ATP11C: variants seen among roughly 807,000 people sequenced by gnomAD.
ATP11C encodes ATPase phospholipid transporting 11C (ATP11C blood group), also known as phospholipid-transporting ATPase IG.
In ATP11C, 36 loss-of-function variants were observed where a neutral mutation model predicts 97.4. That is an observed-to-expected ratio of 0.37 (90% confidence interval 0.28 to 0.49). The LOEUF (loss-of-function observed/expected upper bound fraction) is 0.49, where lower values mean the gene tolerates loss of function less well. Among genes scored for constraint, ATP11C ranks in the 20% least tolerant of loss-of-function variants. The pLI, the probability that ATP11C is intolerant of heterozygous loss-of-function variation, is 0.98. For synonymous variants in ATP11C, 275 were observed against 290.9 expected (o/e 0.95, Z 0.56); for missense variants, 730 against 824.6 (o/e 0.89, Z 1.40).
At chrX:139,859,830 G>A (rs1315105207) in intron 1 of ATP11C, among the ~76,000 whole-genome samples, 8 of 82,345 alleles carry the variant, frequency 9.7e-5, no homozygotes, top group South Asian at 3.8e-4. Flanking sequence ...GGCTGGGCGC[G>A]GTGGCTCACG....
intron 1 of ATP11C, among the ~76,000 whole-genome samples, chrX:139,878,681 G>A (rs1289119694): frequency 1.8e-5 from 2 of 111,444 alleles, no homozygotes; most frequent in East Asian, 2.8e-4. Flanking sequence ...CCCCAGGTAC[G>A]TCAGAGAAGG....
At chrX:139,799,642 T>TC in intron 8 of ATP11C, among the ~76,000 whole-genome samples, 1 of 99,360 alleles carries the variant, frequency 1.0e-5, no homozygotes, top group Non-Finnish European at 2.0e-5. Flanking sequence ...ACCTTTATAT[T>TC]CCTTTTTTTT....
Position 139,932,105 on chromosome X carries a change from A to T in ATP11C, c.-63T>A. On this transcript the variant is annotated 5_prime_UTR_variant, in exon 1 of 30. Transcript: ENST00000682941. ...CGGGCTGTCTGGGAAGGCGCCGTCCACAAAACACACTGCGGCGTGGGCCGG... is the reference window on the plus strand; with the variant it reads ...CGGGCTGTCTGGGAAGGCGCCGTCCTCAAAACACACTGCGGCGTGGGCCGG... The T allele has an allele frequency of 1.9e-6, 2 of 1,058,911 alleles. No individual in the cohort carries two copies. The highest frequency in any genetic ancestry group is 1.9e-5 in the African/African-American group (1 of 52,948). The allele number at this position is 1,058,911 out of a possible 1,213,427, so 87.3% of individuals were successfully genotyped here.
chrX:139,932,247 T>C lies in ATP11C; in HGVS notation c.-205A>G. ...CCCGCAGCCTAGCCGCCGCCCCGCC[T>C]CACTCGCGGCCCGCCCCCGGCCTGC... On this transcript the variant is annotated 5_prime_UTR_variant, in exon 1 of 30. Transcript: ENST00000682941. 1 of 136,066 alleles carries C rather than the reference T, an allele frequency of 7.3e-6. No individual in the cohort carries two copies. The highest frequency in any genetic ancestry group is 3.2e-4 in the South Asian group (1 of 3,127). The allele number at this position is 136,066 out of a possible 1,213,427, so 11.2% of individuals were successfully genotyped here. A position where few individuals can be genotyped will look rare whatever the true frequency, so the allele number is the denominator to read the frequency against.
At chrX:139,871,058 G>A (rs1336583985) in intron 1 of ATP11C, among the ~76,000 whole-genome samples, 2 of 23,700 alleles carry the variant, frequency 8.4e-5, no homozygotes. Context: ...GCGAGACTCC[G>A]TCTCAAAAAA....
chrX:139,876,614 A>G (rs2084479011), intron 1 of ATP11C, among the ~76,000 whole-genome samples: 1 of 112,185 alleles, frequency 8.9e-6, no homozygotes, highest in African/African-American at 3.2e-5. Flanking sequence ...TTCTTTATTT[A>G]TAACAAGAAA....
chrX:139,809,365 A>G (rs1261974435), intron 5 of ATP11C, among the ~76,000 whole-genome samples: 9 of 112,455 alleles, frequency 8.0e-5, no homozygotes, highest in Non-Finnish European at 1.7e-4. Flanking sequence ...GATACATGCT[A>G]TAACATGGAT....
At chrX:139,784,265 TTG>T (rs936834206) in intron 16 of ATP11C, among the ~76,000 whole-genome samples, 4 of 111,833 alleles carry the variant, frequency 3.6e-5, no homozygotes, top group African/African-American at 6.5e-5. Flanking sequence ...ATTTGAAATG[TTG>T]TGTTTTTTTT....
At chrX:139,909,323 G>A (rs1040463144) in intron 1 of ATP11C, among the ~76,000 whole-genome samples, 7 of 110,533 alleles carry the variant, frequency 6.3e-5, no homozygotes, top group Non-Finnish European at 1.1e-4. Context: ...TAGTAAAGAC[G>A]GGCTTCATCA....
intron 23 of ATP11C, among the ~76,000 whole-genome samples, chrX:139,753,282 A>G (rs975363854): frequency 8.9e-6 from 1 of 112,132 alleles, no homozygotes; most frequent in African/African-American, 3.2e-5. Context: ...CTCAAACCAC[A>G]GAGTGATAAA....
intron 1 of ATP11C, among the ~76,000 whole-genome samples, chrX:139,918,185 T>C (rs1325687432): frequency 9.0e-6 from 1 of 111,697 alleles, no homozygotes; most frequent in African/African-American, 3.3e-5. Context: ...CGAAGAGAGA[T>C]ATTTGCACAC....
At chrX:139,747,704 A>G (rs939314531) in intron 24 of ATP11C, among the ~76,000 whole-genome samples, 3 of 112,088 alleles carry the variant, frequency 2.7e-5, no homozygotes, top group Non-Finnish European at 5.6e-5. Context: ...GGTAAAATCT[A>G]TAATACACTA....
At chrX:139,828,796 T>C (rs1033893746) in intron 1 of ATP11C, among the ~76,000 whole-genome samples, 1 of 111,575 alleles carries the variant, frequency 9.0e-6, no homozygotes, top group Non-Finnish European at 1.9e-5. Context: ...TATAGATTTT[T>C]CCCCTCAATT....
At chrX:139,774,989 A>T (rs762995587) in intron 18 of ATP11C, 36 bp from the exon 19 acceptor site, 4 of 1,154,644 alleles carry the variant, frequency 3.5e-6, no homozygotes, top group East Asian at 3.0e-5. Context: ...ATCTTCTAAA[A>T]CTCCTGACAA....
chrX:139,896,546 TACACACACACACACAC>T (rs61153084), intron 1 of ATP11C, among the ~76,000 whole-genome samples: 1,119 of 79,805 alleles, frequency 0.014, 16 homozygotes, highest in African/African-American at 0.038. Flanking sequence ...GTTAATTTTA[TACACACACACACACAC>T]ACACACACAC....
chrX:139,830,642 A>T (rs2083627818), intron 1 of ATP11C, among the ~76,000 whole-genome samples: 1 of 111,681 alleles, frequency 9.0e-6, no homozygotes. Context: ...TGGTCATCGA[A>T]CTGCTTTCTG....
chrX:139,820,687 GA>G (rs1349270389), intron 2 of ATP11C, among the ~76,000 whole-genome samples: 1 of 110,151 alleles, frequency 9.1e-6, no homozygotes. Context: ...CACACGGCCA[GA>G]ACTCTTAGGC....
At chrX:139,882,644 T>TC (rs748321481) in intron 1 of ATP11C, among the ~76,000 whole-genome samples, 3 of 110,502 alleles carry the variant, frequency 2.7e-5, no homozygotes, top group African/African-American at 9.9e-5. Context: ...CTCTCCCCTA[T>TC]CCCCCCTTCA....
intron 1 of ATP11C, among the ~76,000 whole-genome samples, chrX:139,856,787 T>C (rs1014341364): frequency 8.9e-6 from 1 of 112,420 alleles, no homozygotes; most frequent in Non-Finnish European, 1.9e-5. Flanking sequence ...CAGTGATTTA[T>C]TAACTACACT....
Sources: gnomAD v4.1 joint callset for allele counts (sites outside exome capture counted in the v4.1 genomes callset) on GRCh38, gnomAD v4.1.1 for gene constraint, MANE v1.5 for transcripts, NCBI Gene and HGNC (gene_info 2026-07-23, HGNC 2026-07-21) for gene names.